The following RANBP17 variants were observed in gnomAD, a reference collection of about 807,000 sequenced individuals.
RANBP17 encodes RAN binding protein 17, also known as ran-binding protein 17.
In RANBP17, 158 loss-of-function variants were observed where a neutral mutation model predicts 141.2. The ratio of observed to expected loss-of-function variants is 1.12; its 90% CI spans 0.98 to 1.28. The LOEUF (loss-of-function observed/expected upper bound fraction) is 1.28. Ranked by LOEUF, RANBP17 falls within the 50% of genes most tolerant of loss-of-function variation. The pLI is 0.00. For synonymous variants in RANBP17, 430 were observed against 450.0 expected (o/e 0.96, Z 0.56); for missense variants, 1,438 against 1,290.7 (o/e 1.11, Z -1.75).
At chr5:171,243,581 A>G (rs983418222) in intron 24 of RANBP17, among the ~76,000 whole-genome samples, 7 of 152,180 alleles carry the variant, frequency 4.6e-5, no homozygotes, top group Admixed American at 2.6e-4. Flanking sequence ...TATTTTTAAC[A>G]TTATAAGAAA....
intron 14 of RANBP17, among the ~76,000 whole-genome samples, chr5:171,090,606 C>G (rs149827297): frequency 1.1e-3 from 174 of 152,162 alleles, no homozygotes; most frequent in African/African-American, 4.0e-3. Flanking sequence ...CAGGTCATGT[C>G]AGAGAACTTT....
intron 14 of RANBP17, among the ~76,000 whole-genome samples, chr5:171,004,880 G>A (rs186533151): frequency 2.0e-5 from 3 of 152,278 alleles, no homozygotes; most frequent in African/African-American, 7.2e-5. Flanking sequence ...TTTTGAAGGA[G>A]CCCCTGCGAG....
intron 14 of RANBP17, among the ~76,000 whole-genome samples, chr5:170,989,941 T>C (rs1432882962): frequency 6.6e-6 from 1 of 151,822 alleles, no homozygotes; most frequent in Non-Finnish European, 1.5e-5. Flanking sequence ...AAATATTTAT[T>C]GTCTTTAGTA....
intron 14 of RANBP17, chr5:170,968,616 A>G: frequency 1.8e-6 from 1 of 564,910 alleles, no homozygotes; most frequent in Middle Eastern, 2.8e-4. Flanking sequence ...GATGGTCATT[A>G]AACAGTTGAG....
intron 14 of RANBP17, among the ~76,000 whole-genome samples, chr5:170,971,848 T>C (rs1777012847): frequency 6.6e-6 from 1 of 152,118 alleles, no homozygotes; most frequent in Non-Finnish European, 1.5e-5. Context: ...TTCTCCCCAC[T>C]CCACTCTATT....
intron 14 of RANBP17, among the ~76,000 whole-genome samples, chr5:171,159,770 A>C (rs1346605388): frequency 1.3e-5 from 2 of 151,828 alleles, no homozygotes; most frequent in Non-Finnish European, 2.9e-5. Flanking sequence ...AAAAATACAA[A>C]AACTTAGCTG....
intron 16 of RANBP17, among the ~76,000 whole-genome samples, chr5:171,174,983 A>G (rs1355724706): frequency 6.6e-6 from 1 of 151,886 alleles, no homozygotes; most frequent in East Asian, 1.9e-4. Context: ...CTGGTGTGTG[A>G]TATTCCCCTC....
Position 171,159,935 on chromosome 5 carries a change from A to G in RANBP17, c.1711-10195A>G, listed in dbSNP as rs933204790. Among the ~76,000 whole-genome samples, 334 of 150,270 alleles carry G rather than the reference A, an allele frequency of 2.2e-3. 1 individual carries two copies. The highest frequency in any genetic ancestry group is 5.8e-3 in the African/African-American group (235 of 40,818). On this transcript the variant is annotated intron_variant, in intron 14 of 27. Coordinates refer to ENST00000523189, the MANE Select transcript of RANBP17 (RefSeq NM_022897.5). ...TCCATCTCAAAAAAAAAAAAAAAAA[A>G]AAAAAAGAAAAAAGAAGAAAATTTG...
intron 20 of RANBP17, among the ~76,000 whole-genome samples, chr5:171,211,294 C>T (rs1032451422): frequency 4.0e-5 from 6 of 151,838 alleles, no homozygotes; most frequent in Admixed American, 6.6e-5. Flanking sequence ...CAGAGTCTCA[C>T]TCTGTCACTC....
chr5:171,057,566 C>T (rs1034730006), intron 14 of RANBP17, among the ~76,000 whole-genome samples: 8 of 152,056 alleles, frequency 5.3e-5, no homozygotes, highest in Non-Finnish European at 1.5e-5. Context: ...CATTGCTTTA[C>T]AATCACAAAT....
intron 14 of RANBP17, among the ~76,000 whole-genome samples, chr5:170,973,886 A>G (rs1485074862): frequency 6.6e-6 from 1 of 152,176 alleles, no homozygotes; most frequent in Admixed American, 6.5e-5. Context: ...TTATGAGGAC[A>G]CTAGTCTCAT....
chr5:170,946,321 AT>A (rs1223792928), intron 12 of RANBP17, among the ~76,000 whole-genome samples: 1 of 152,116 alleles, frequency 6.6e-6, no homozygotes, highest in Non-Finnish European at 1.5e-5. Context: ...TTGAGAAATA[AT>A]TTACAATAGG....
intron 14 of RANBP17, among the ~76,000 whole-genome samples, chr5:171,010,765 T>C (rs1445693797): frequency 6.6e-6 from 1 of 151,920 alleles, no homozygotes; most frequent in Non-Finnish European, 1.5e-5. Flanking sequence ...TATTAGGGAG[T>C]CTTATGAATA....
chr5:171,221,786 T>A lies in RANBP17; in HGVS notation c.2368T>A (p.Ser790Thr). 1 of 1,611,470 alleles carries A rather than the reference T, an allele frequency of 6.2e-7. No homozygotes were observed. Among genetic ancestry groups the A allele is most frequent in the Non-Finnish European group, 8.5e-7 (1 of 1,178,126 alleles). The change falls in exon 22 of 28, where the codon TCT becomes ACT. Residue 790 changes from serine to threonine, a missense_variant. Coordinates refer to ENST00000523189, the MANE Select transcript of RANBP17 (RefSeq NM_022897.5). The part of the protein sequence containing the change: ...RSQRLNFDVS[S>T]PNGILLFREA... ...CCAGCGTTTGAATTTTGATGTATCATCTCCTAATGGAATTCTTCTCTTCAG... is the reference window on the plus strand; with the variant it reads ...CCAGCGTTTGAATTTTGATGTATCAACTCCTAATGGAATTCTTCTCTTCAG...
chr5:171,290,732 T>A (rs983796319), intron 25 of RANBP17, among the ~76,000 whole-genome samples: 2 of 152,198 alleles, frequency 1.3e-5, no homozygotes, highest in Non-Finnish European at 2.9e-5. Flanking sequence ...CAAAGTTAGA[T>A]AGTTGTGAAG....
chr5:170,926,903 G>A (rs1328106789), intron 12 of RANBP17, among the ~76,000 whole-genome samples: 1 of 151,906 alleles, frequency 6.6e-6, no homozygotes, highest in Non-Finnish European at 1.5e-5. Context: ...CTTCTTGCTT[G>A]TTTTCATTTA....
intron 14 of RANBP17, among the ~76,000 whole-genome samples, chr5:171,041,598 C>T (rs1015059560): frequency 6.6e-6 from 1 of 152,036 alleles, no homozygotes; most frequent in African/African-American, 2.4e-5. Flanking sequence ...ACCTAGGCTG[C>T]GTGGTATAGC....
intron 14 of RANBP17, among the ~76,000 whole-genome samples, chr5:171,106,243 G>C (rs1581649551): frequency 6.6e-6 from 1 of 152,222 alleles, no homozygotes; most frequent in Non-Finnish European, 1.5e-5. Flanking sequence ...TCAGGCTTGG[G>C]GAAGGTAGGA....
intron 5 of RANBP17, among the ~76,000 whole-genome samples, chr5:170,905,315 CATCTT>C (rs776616874): frequency 7.3e-4 from 111 of 152,188 alleles, no homozygotes; most frequent in Middle Eastern, 3.4e-3. Flanking sequence ...TAAAAACTGT[CATCTT>C]GAGTGATATG....
Sources: gnomAD v4.1 joint callset for allele counts (sites outside exome capture counted in the v4.1 genomes callset) on GRCh38, gnomAD v4.1.1 for gene constraint, MANE v1.5 for transcripts, NCBI Gene and HGNC (gene_info 2026-07-23, HGNC 2026-07-21) for gene names.